PIP4K2A: variants seen among roughly 807,000 people sequenced by gnomAD.
The protein encoded by PIP4K2A is phosphatidylinositol-5-phosphate 4-kinase type 2 alpha.
PIP4K2A carries 14 observed loss-of-function variants against 42.9 expected under a neutral mutation model. The ratio of observed to expected loss-of-function variants is 0.33; its 90% confidence interval spans 0.22 to 0.51. The LOEUF (loss-of-function observed/expected upper bound fraction) is 0.51, where lower values mean the gene tolerates loss of function less well. Ranked by LOEUF, PIP4K2A falls within the 20% of genes least tolerant of loss-of-function variation. The pLI, the probability that PIP4K2A is intolerant of heterozygous loss-of-function variation, is 0.97. For synonymous variants in PIP4K2A, 192 were observed against 192.2 expected (o/e 1.00, Z 0.01); for missense variants, 434 against 519.8 (o/e 0.83, Z 1.61).
intron 6 of PIP4K2A, among the ~76,000 whole-genome samples, chr10:22,559,495 G>C (rs771786925): frequency 6.6e-6 from 1 of 152,150 alleles, no homozygotes; most frequent in African/African-American, 2.4e-5. Flanking sequence ...TGAAAATCTG[G>C]AAAGTGCTCA....
At chr10:22,705,096 G>A (rs1833793138) in intron 1 of PIP4K2A, among the ~76,000 whole-genome samples, 1 of 151,976 alleles carries the variant, frequency 6.6e-6, no homozygotes, top group Admixed American at 6.6e-5. Flanking sequence ...GAAGGACGGG[G>A]TGGGGGAAGT....
Position 22,537,095 on chromosome 10 carries a change from G to A in PIP4K2A, c.*106C>T. 2 of 807,222 alleles carry A rather than the reference G, an allele frequency of 2.5e-6. No homozygotes were observed. Among genetic ancestry groups the A allele is most frequent in the South Asian group, 1.7e-5 (1 of 60,380 alleles). The allele number at this position is 807,222 out of a possible 1,614,324, so 50.0% of individuals were successfully genotyped here. A position where few individuals can be genotyped will look rare whatever the true frequency, so the allele number is the denominator to read the frequency against. On this transcript the variant is annotated 3_prime_UTR_variant, in exon 10 of 10. Transcript: ENST00000376573. ...CCTGAAGATGTAAACAAGGAGGTTT[G>A]CTTCCTGCAAGATGAGTACTTCACT...
intron 8 of PIP4K2A, among the ~76,000 whole-genome samples, chr10:22,541,522 A>T (rs1184457600): frequency 6.6e-6 from 1 of 152,204 alleles, no homozygotes; most frequent in Non-Finnish European, 1.5e-5. Flanking sequence ...GCCAGTGTGT[A>T]TGTGCATATG....
In PIP4K2A at chr10:22,575,788, A is replaced by G. The variant is rs1284737797; in HGVS notation, c.493-2331T>C. On this transcript the variant is annotated intron_variant, in intron 4 of 9. Transcript: ENST00000376573. ...CCCCATCTCTACTAAAAATACAACA[A>G]TTAGCTGGGTGTGGTGGTGCACACC... Among the ~76,000 whole-genome samples the G allele has an allele frequency of 2.0e-5, 3 of 151,904 alleles. No homozygotes were observed. The East Asian group carries it at 5.8e-4, about 29-fold the overall frequency.
At chr10:22,640,255 A>C (rs1588679674) in intron 1 of PIP4K2A, among the ~76,000 whole-genome samples, 1 of 152,190 alleles carries the variant, frequency 6.6e-6, no homozygotes, top group South Asian at 2.1e-4. Context: ...AAATCATCAA[A>C]GAAGGATGAC....
intron 1 of PIP4K2A, among the ~76,000 whole-genome samples, chr10:22,648,095 C>A (rs1838919671): frequency 6.6e-6 from 1 of 152,166 alleles, no homozygotes; most frequent in Admixed American, 6.5e-5. Context: ...AATATTCAAG[C>A]CCTGACTTAT....
intron 3 of PIP4K2A, among the ~76,000 whole-genome samples, chr10:22,607,208 A>G (rs571319452): frequency 1.3e-5 from 2 of 152,372 alleles, no homozygotes; most frequent in South Asian, 4.1e-4. Flanking sequence ...TTGGGTAACC[A>G]ATGTCAAATC....
intron 1 of PIP4K2A, among the ~76,000 whole-genome samples, chr10:22,640,611 CT>C (rs1838761920): frequency 6.6e-6 from 1 of 152,162 alleles, no homozygotes; most frequent in African/African-American, 2.4e-5. Flanking sequence ...ATTGCCTGTC[CT>C]CTGTGTGGAG....
intron 1 of PIP4K2A, among the ~76,000 whole-genome samples, chr10:22,627,714 C>T (rs1439465388): frequency 6.7e-6 from 1 of 150,230 alleles, no homozygotes; most frequent in African/African-American, 2.4e-5. Flanking sequence ...GCCACCTCAC[C>T]ATGCAAGGGC....
At chr10:22,577,889 G>C (rs189834103) in intron 4 of PIP4K2A, among the ~76,000 whole-genome samples, 12 of 152,310 alleles carry the variant, frequency 7.9e-5, no homozygotes, top group Admixed American at 2.6e-4. Flanking sequence ...GGCACCGCCT[G>C]GATCCTGGCT....
chr10:22,581,833 G>T (rs1343221300), intron 4 of PIP4K2A, among the ~76,000 whole-genome samples: 2 of 152,094 alleles, frequency 1.3e-5, no homozygotes, highest in African/African-American at 4.8e-5. Flanking sequence ...TCTGCTTACA[G>T]CTGGGCATGG....
In PIP4K2A at chr10:22,568,671, G is replaced by A. The variant is rs972356173; in HGVS notation, c.640-782C>T. Among the ~76,000 whole-genome samples, 9 of 152,138 alleles carry A rather than the reference G, an allele frequency of 5.9e-5. No individual in the cohort carries two copies. The East Asian group carries it at 1.2e-3, about 20-fold the overall frequency. ...GTCTAGCATGACCTGAGTCTACCTCGGAGGCCGACGGGGAGGCTTTAGGGG... is the reference window on the plus strand; with the variant it reads ...GTCTAGCATGACCTGAGTCTACCTCAGAGGCCGACGGGGAGGCTTTAGGGG... On this transcript the variant is annotated intron_variant, in intron 5 of 9. Transcript: ENST00000376573.
chr10:22,603,091 A>C (rs1837828854), intron 3 of PIP4K2A, among the ~76,000 whole-genome samples: 1 of 152,250 alleles, frequency 6.6e-6, no homozygotes, highest in East Asian at 1.9e-4. Context: ...TCTAAACTTG[A>C]AATAAGAATA....
intron 1 of PIP4K2A, among the ~76,000 whole-genome samples, chr10:22,682,833 T>C (rs1233206610): frequency 1.3e-5 from 2 of 152,184 alleles, no homozygotes; most frequent in Middle Eastern, 3.2e-3. Context: ...CTGGGAACAC[T>C]TGGTAATTGC....
At chr10:22,707,905 C>A (rs2130926914) in intron 1 of PIP4K2A, among the ~76,000 whole-genome samples, 1 of 152,260 alleles carries the variant, frequency 6.6e-6, no homozygotes, top group South Asian at 2.1e-4. Context: ...TCATTTATTC[C>A]TTTAAAAGCC....
rs10681238 is a variant in PIP4K2A, at chr10:22,596,205, C to CAAAAAAA, written c.340-4431_340-4425dup. 6.4e-3 allele frequency among the ~76,000 whole-genome samples: 444 copies of CAAAAAAA among 69,610 alleles called. 44 individuals are homozygous for CAAAAAAA. The highest frequency in any genetic ancestry group is 0.023 in the African/African-American group (367 of 15,780). The allele number at this position is 69,610 out of a possible 152,430, so 45.7% of individuals were successfully genotyped here. A position where few individuals can be genotyped will look rare whatever the true frequency, so the allele number is the denominator to read the frequency against. ...GGGCAACAAGAGCAAAACTCCGTCTCAAAAAAAAAAAAAAAAAAAAGGATT... is the reference window on the plus strand; with the variant it reads ...GGGCAACAAGAGCAAAACTCCGTCTCAAAAAAAAAAAAAAAAAAAAAAAAAAAGGATT... On this transcript the variant is annotated intron_variant, in intron 3 of 9. Transcript: ENST00000376573.
At chr10:22,580,422 G>A (rs1307123096) in intron 4 of PIP4K2A, among the ~76,000 whole-genome samples, 3 of 151,928 alleles carry the variant, frequency 2.0e-5, no homozygotes, top group Non-Finnish European at 2.9e-5. Context: ...GGCCAAGGCG[G>A]GCGGATTACT....
chr10:22,636,317 C>A (rs1304013381), intron 1 of PIP4K2A, among the ~76,000 whole-genome samples: 1 of 152,090 alleles, frequency 6.6e-6, no homozygotes, highest in Non-Finnish European at 1.5e-5. Flanking sequence ...AGTGGTATGA[C>A]CACAGCTCAC....
intron 5 of PIP4K2A, among the ~76,000 whole-genome samples, chr10:22,570,698 T>C (rs1269811306): frequency 1.3e-5 from 2 of 152,218 alleles, no homozygotes; most frequent in African/African-American, 2.4e-5. Flanking sequence ...ACTATTTTTA[T>C]AATAATACTG....
Sources: allele counts gnomAD v4.1 joint callset (sites outside exome capture counted in the v4.1 genomes callset), GRCh38; gene constraint gnomAD v4.1.1; transcripts MANE v1.5; gene names NCBI Gene and HGNC (gene_info 2026-07-23, HGNC 2026-07-21).